Variants in RPS6KC1 observed in about 807,000 individuals in gnomAD.
The protein encoded by RPS6KC1 is inactive ribosomal protein S6 kinase delta-1.
A neutral mutation model predicts 103.8 loss-of-function variants in RPS6KC1; 54 were observed. The observed-to-expected ratio is 0.52, with a 90% CI of 0.42 to 0.65. The LOEUF (loss-of-function observed/expected upper bound fraction) is 0.65. Ranked by LOEUF, RPS6KC1 falls within the 30% of genes least tolerant of loss-of-function variation. RPS6KC1 has a pLI of 0.00. For missense variants in RPS6KC1, 1,151 were observed against 1,253.8 expected (o/e 0.92, Z 1.24); for synonymous variants, 439 against 438.7 (o/e 1.00, Z -0.01).
chr1:213,546,606 G>A, the RPS6KC1 span, among the ~76,000 whole-genome samples: 1 of 152,098 alleles, frequency 6.6e-6, no homozygotes, highest in East Asian at 1.9e-4. Flanking sequence ...TATGAATTTA[G>A]AATTTTATAT....
chr1:213,398,931 T>C, the RPS6KC1 span, among the ~76,000 whole-genome samples: 68 of 152,188 alleles, frequency 4.5e-4, no homozygotes, highest in Non-Finnish European at 8.5e-4. Flanking sequence ...TGCAAATCAA[T>C]GCATGAAATC....
At position 213,241,937 on chromosome 1, in the gene RPS6KC1, A is replaced by G. The variant is rs772375000; in HGVS notation, c.2461A>G (p.Ile821Val). The G allele has an allele frequency of 1.2e-6, 2 of 1,614,060 alleles. No homozygotes were observed. Among genetic ancestry groups the G allele is most frequent in the Non-Finnish European group, 1.7e-6 (2 of 1,179,964 alleles). The change falls in exon 11 of 15, where the codon ATT (isoleucine) becomes GTT (valine). Residue 821 changes from isoleucine (I) to valine (V), a missense_variant. Physicochemically the swap from Ile to Val is conservative, Grantham distance 29 (BLOSUM62 3). Transcript: ENST00000366960. Reference protein sequence around the residue: ...ANNTEESLFRICSPLSGANEY... With the variant: ...ANNTEESLFRVCSPLSGANEY... ...CAACACAGAAGAAAGCTTATTCCGT[A>G]TTTGTAGTCCACTCTCAGGTGCTAA...
At chr1:213,824,828 C>T in the RPS6KC1 span, among the ~76,000 whole-genome samples, 1 of 152,194 alleles carries the variant, frequency 6.6e-6, no homozygotes, top group African/African-American at 2.4e-5. Flanking sequence ...ATAAATTACC[C>T]AGTGTTGGGT....
chr1:213,157,622 G>T (rs1162573204), intron 6 of RPS6KC1, among the ~76,000 whole-genome samples: 4 of 152,186 alleles, frequency 2.6e-5, no homozygotes, highest in African/African-American at 9.7e-5. Context: ...CTGTCCTGGA[G>T]AATGTTCTGT....
intron 6 of RPS6KC1, among the ~76,000 whole-genome samples, chr1:213,156,435 A>G (rs2089897006): frequency 6.6e-6 from 1 of 152,338 alleles, no homozygotes; most frequent in African/African-American, 2.4e-5. Context: ...TTGAAGAAAT[A>G]ATGCCTGAAA....
chr1:213,300,891 C>T, the RPS6KC1 span, among the ~76,000 whole-genome samples: 4 of 152,194 alleles, frequency 2.6e-5, no homozygotes, highest in Non-Finnish European at 5.9e-5. Flanking sequence ...GAATCACCCT[C>T]CCAGGGCTTG....
At chr1:213,657,737 G>A in the RPS6KC1 span, among the ~76,000 whole-genome samples, 215 of 152,330 alleles carry the variant, frequency 1.4e-3, 6 homozygotes, top group South Asian at 0.03. Context: ...TTCATGATAA[G>A]TGGTTGGTGC....
chr1:213,418,612 A>G, the RPS6KC1 span, among the ~76,000 whole-genome samples: 4 of 152,162 alleles, frequency 2.6e-5, no homozygotes, highest in African/African-American at 9.7e-5. Context: ...AAGCTTTCAC[A>G]CATAGATAGC....
chr1:213,720,294 A>G, the RPS6KC1 span, among the ~76,000 whole-genome samples: 3 of 152,246 alleles, frequency 2.0e-5, no homozygotes, highest in Admixed American at 6.5e-5. Flanking sequence ...AACAACATCT[A>G]TCATTAGAAT....
At chr1:213,536,338 C>T in the RPS6KC1 span, among the ~76,000 whole-genome samples, 3 of 152,158 alleles carry the variant, frequency 2.0e-5, no homozygotes, top group Non-Finnish European at 2.9e-5. Flanking sequence ...TTATTCTAGG[C>T]ACTGGACTGA....
the RPS6KC1 span, among the ~76,000 whole-genome samples, chr1:213,657,958 A>G: frequency 3.3e-5 from 5 of 152,192 alleles, no homozygotes; most frequent in African/African-American, 9.7e-5. Context: ...TGTATCATGA[A>G]TGGTTGCATG....
the RPS6KC1 span, among the ~76,000 whole-genome samples, chr1:213,623,552 C>T: frequency 6.6e-6 from 1 of 152,116 alleles, no homozygotes; most frequent in Non-Finnish European, 1.5e-5. Context: ...TAAGACCAGG[C>T]AAACTATGAC....
At chr1:213,693,239 T>G in the RPS6KC1 span, among the ~76,000 whole-genome samples, 1 of 152,160 alleles carries the variant, frequency 6.6e-6, no homozygotes, top group Non-Finnish European at 1.5e-5. Flanking sequence ...CCTTCTCTCC[T>G]CTTGAACCCC....
chr1:213,504,209 T>C, the RPS6KC1 span, among the ~76,000 whole-genome samples: 1 of 152,194 alleles, frequency 6.6e-6, no homozygotes, highest in East Asian at 1.9e-4. Flanking sequence ...TCACTGCACA[T>C]AACAGAAATA....
intron 3 of RPS6KC1, among the ~76,000 whole-genome samples, chr1:213,103,169 G>C (rs1274777330): frequency 1.3e-5 from 2 of 150,366 alleles, no homozygotes; most frequent in African/African-American, 4.9e-5. Flanking sequence ...CTGGGTGACA[G>C]AGTGAGACCC....
At chr1:213,185,651 C>T (rs1377521330) in intron 8 of RPS6KC1, among the ~76,000 whole-genome samples, 1 of 146,374 alleles carries the variant, frequency 6.8e-6, no homozygotes, top group Non-Finnish European at 1.5e-5. Flanking sequence ...GACTCTGTCT[C>T]AAAAAGAAAA....
At chr1:213,160,431 C>G (rs1178638484) in intron 6 of RPS6KC1, among the ~76,000 whole-genome samples, 3 of 152,178 alleles carry the variant, frequency 2.0e-5, no homozygotes, top group African/African-American at 7.2e-5. Context: ...TCCAATCATG[C>G]ATCTTTTGGA....
At chr1:213,533,185 G>C in the RPS6KC1 span, among the ~76,000 whole-genome samples, 1 of 152,184 alleles carries the variant, frequency 6.6e-6, no homozygotes, top group African/African-American at 2.4e-5. Context: ...CTGCCATGAT[G>C]GTGCATGCCA....
chr1:213,664,200 C>CGGGGGGGGGGGGGGGGGG, the RPS6KC1 span, among the ~76,000 whole-genome samples: 1 of 27,812 alleles, frequency 3.6e-5, no homozygotes, highest in Non-Finnish European at 6.4e-5. Context: ...AGCGGGGGGG[C>CGGGGGGGGGGGGGGGGGG]GGGGTGGGGA....
Sources: allele counts gnomAD v4.1 joint callset (sites outside exome capture counted in the v4.1 genomes callset), GRCh38; gene constraint gnomAD v4.1.1; transcripts MANE v1.5; gene names NCBI Gene and HGNC (gene_info 2026-07-23, HGNC 2026-07-21).